Variants in CACNA2D3 observed in about 807,000 individuals in gnomAD.
CACNA2D3 encodes the protein calcium voltage-gated channel auxiliary subunit alpha2delta 3.
In CACNA2D3, 60 loss-of-function variants were observed where a neutral mutation model predicts 160.6. That is an observed-to-expected ratio of 0.37 (90% confidence interval 0.30 to 0.46). The LOEUF (loss-of-function observed/expected upper bound fraction) is 0.46, where lower values mean the gene tolerates loss of function less well. Ranked by LOEUF, CACNA2D3 falls within the 20% of genes least tolerant of loss-of-function variation. The pLI is 1.00. For synonymous variants in CACNA2D3, 558 were observed against 492.9 expected (o/e 1.13, Z -1.75); for missense variants, 1,205 against 1,365.0 (o/e 0.88, Z 1.85).
At chr3:54,621,208 T>C (rs1698980403) in intron 9 of CACNA2D3, among the ~76,000 whole-genome samples, 2 of 152,284 alleles carry the variant, frequency 1.3e-5, no homozygotes, top group South Asian at 4.1e-4. Context: ...GACTCAAACA[T>C]TTATTATAAT....
At chr3:54,826,193 G>C (rs1423519882) in intron 14 of CACNA2D3, among the ~76,000 whole-genome samples, 1 of 152,024 alleles carries the variant, frequency 6.6e-6, no homozygotes, top group Non-Finnish European at 1.5e-5. Context: ...TTACTCACTG[G>C]TCACATCCCC....
At chr3:54,339,019 C>A (rs115185889) in intron 3 of CACNA2D3, among the ~76,000 whole-genome samples, 115 of 152,238 alleles carry the variant, frequency 7.6e-4, no homozygotes, top group African/African-American at 2.7e-3. Context: ...TCAAAGCAAC[C>A]GGTATTAATC....
At chr3:54,993,979 G>A (rs1265193952) in intron 31 of CACNA2D3, among the ~76,000 whole-genome samples, 1 of 150,198 alleles carries the variant, frequency 6.7e-6, no homozygotes, top group African/African-American at 2.5e-5. Flanking sequence ...GCTGTGCTTG[G>A]TGCAACACGC....
intron 11 of CACNA2D3, among the ~76,000 whole-genome samples, chr3:54,703,862 G>A (rs1171409338): frequency 3.3e-5 from 5 of 152,130 alleles, no homozygotes; most frequent in East Asian, 1.9e-4. Flanking sequence ...ACAGAGAGCC[G>A]CATTTGTTTG....
rs561292251 is a variant in CACNA2D3, at chr3:54,231,940, G to A, written c.205-88502G>A. Among the ~76,000 whole-genome samples, 12 of 152,326 alleles carry A rather than the reference G, an allele frequency of 7.9e-5. No homozygotes were observed. In the East Asian group the frequency reaches 1.7e-3, roughly 22 times the overall value. ...CAAGGCTATTGCACTGGCCCTTGGC[G>A]CAGCTGCCGTTGCTTGTTCCCACAT... On this transcript the variant is annotated intron_variant, in intron 2 of 37. Coordinates refer to ENST00000474759, the MANE Select transcript of CACNA2D3 (RefSeq NM_018398.3).
At position 54,764,376 on chromosome 3, in the gene CACNA2D3, G is replaced by C. The variant is rs1295253936; in HGVS notation, c.1380+25G>C. 1.9e-6 allele frequency: 3 copies of C among 1,612,974 alleles called. No individual in the cohort carries two copies. The African/African-American group carries it at 4.0e-5, about 22-fold the overall frequency. ...TGTGAGTCCACGGGGCCCTGGGAAA[G>C]AGGCTAAGCTTTACCCCCATCCCCA... On this transcript the variant is annotated intron_variant, in intron 13 of 37. Coordinates refer to ENST00000474759, the MANE Select transcript of CACNA2D3 (RefSeq NM_018398.3).
intron 11 of CACNA2D3, among the ~76,000 whole-genome samples, chr3:54,706,764 C>T (rs978736790): frequency 6.6e-6 from 1 of 152,202 alleles, no homozygotes; most frequent in Non-Finnish European, 1.5e-5. Flanking sequence ...ACATTTAAAG[C>T]TCACAGAGGG....
At chr3:54,926,150 C>T (rs1701008754) in intron 27 of CACNA2D3, among the ~76,000 whole-genome samples, 1 of 152,090 alleles carries the variant, frequency 6.6e-6, no homozygotes. Flanking sequence ...ATGTATCCCT[C>T]CAGACATTTT....
chr3:54,245,902 C>T (rs1476019956), intron 2 of CACNA2D3, among the ~76,000 whole-genome samples: 2 of 152,230 alleles, frequency 1.3e-5, no homozygotes, highest in African/African-American at 4.8e-5. Flanking sequence ...TCATCATTGT[C>T]ATCTGGTAGT....
At chr3:54,298,638 A>G (rs935932027) in intron 2 of CACNA2D3, among the ~76,000 whole-genome samples, 6 of 152,130 alleles carry the variant, frequency 3.9e-5, no homozygotes, top group South Asian at 2.1e-4. Flanking sequence ...GTCTCTATAA[A>G]AAAGTACAAC....
intron 3 of CACNA2D3, among the ~76,000 whole-genome samples, chr3:54,362,504 A>C (rs1698760203): frequency 6.6e-6 from 1 of 152,170 alleles, no homozygotes; most frequent in Non-Finnish European, 1.5e-5. Context: ...GGCCCTGCCC[A>C]CACTCCCGGG....
chr3:54,423,774 G>A (rs1008488064), intron 4 of CACNA2D3, among the ~76,000 whole-genome samples: 3 of 152,182 alleles, frequency 2.0e-5, no homozygotes, highest in Admixed American at 2.0e-4. Context: ...TGACCTACCT[G>A]GAGCGTTAGG....
chr3:54,672,888 C>T (rs927954439), intron 11 of CACNA2D3, among the ~76,000 whole-genome samples: 1 of 152,170 alleles, frequency 6.6e-6, no homozygotes, highest in African/African-American at 2.4e-5. Context: ...AGTGTGATAC[C>T]AATGACAACG....
intron 35 of CACNA2D3, among the ~76,000 whole-genome samples, chr3:55,027,787 G>A (rs913375740): frequency 3.9e-5 from 6 of 152,108 alleles, no homozygotes; most frequent in African/African-American, 7.2e-5. Flanking sequence ...CTCGCCTTCC[G>A]CAATGGAACA....
At chr3:54,864,135 G>A (rs1259941267) in intron 17 of CACNA2D3, among the ~76,000 whole-genome samples, 1 of 152,170 alleles carries the variant, frequency 6.6e-6, no homozygotes, top group Non-Finnish European at 1.5e-5. Flanking sequence ...GGAAATCCAA[G>A]CTGAAATGAT....
intron 2 of CACNA2D3, among the ~76,000 whole-genome samples, chr3:54,244,934 C>CT (rs1702042742): frequency 6.6e-6 from 1 of 152,174 alleles, no homozygotes; most frequent in Admixed American, 6.5e-5. Context: ...TAATTATATA[C>CT]TTTTGCCTTT....
intron 13 of CACNA2D3, among the ~76,000 whole-genome samples, chr3:54,781,130 A>C (rs1208089966): frequency 6.6e-6 from 1 of 152,238 alleles, no homozygotes; most frequent in Non-Finnish European, 1.5e-5. Context: ...TTTTCAACCA[A>C]GTACAACTGA....
At chr3:54,562,311 A>T (rs1183133645) in intron 5 of CACNA2D3, among the ~76,000 whole-genome samples, 1 of 152,166 alleles carries the variant, frequency 6.6e-6, no homozygotes, top group Non-Finnish European at 1.5e-5. Context: ...ATTTCAATTT[A>T]TTTATTTTTT....
At chr3:54,557,534 C>A (rs1702259269) in intron 5 of CACNA2D3, among the ~76,000 whole-genome samples, 1 of 152,102 alleles carries the variant, frequency 6.6e-6, no homozygotes, top group Admixed American at 6.5e-5. Context: ...CTGTTTGACT[C>A]CTTAACATGT....
Sources: allele counts gnomAD v4.1 joint callset (sites outside exome capture counted in the v4.1 genomes callset), GRCh38; gene constraint gnomAD v4.1.1; transcripts MANE v1.5; gene names NCBI Gene and HGNC (gene_info 2026-07-23, HGNC 2026-07-21).